Variants in TOX observed in about 807,000 individuals in gnomAD.
The protein encoded by TOX is thymocyte selection-associated high mobility group box protein TOX.
In TOX, 11 loss-of-function variants were observed where a neutral mutation model predicts 53.7. That is an observed-to-expected ratio of 0.20 (90% CI 0.13 to 0.34). TOX has a LOEUF of 0.34. Ranked by LOEUF, TOX falls within the 10% of genes least tolerant of loss-of-function variation. The pLI is 1.00. For synonymous variants in TOX, 225 were observed against 245.3 expected (o/e 0.92, Z 0.77); for missense variants, 570 against 664.6 (o/e 0.86, Z 1.56).
chr8:59,048,575 T>C (rs1370506425), intron 1 of TOX, among the ~76,000 whole-genome samples: 1 of 152,200 alleles, frequency 6.6e-6, no homozygotes, highest in East Asian at 1.9e-4. Flanking sequence ...GAAGTTTTCT[T>C]GGAAATGTTC....
At chr8:59,001,495 T>C (rs1813688512) in intron 1 of TOX, among the ~76,000 whole-genome samples, 3 of 152,296 alleles carry the variant, frequency 2.0e-5, no homozygotes, top group Non-Finnish European at 4.4e-5. Context: ...TGAGGGGATG[T>C]GAACTGAGAA....
At chr8:58,849,978 G>A (rs1340938874) in intron 4 of TOX, among the ~76,000 whole-genome samples, 1 of 152,162 alleles carries the variant, frequency 6.6e-6, no homozygotes, top group Non-Finnish European at 1.5e-5. Context: ...GGAATAACCT[G>A]TATTTTCTGA....
At chr8:59,019,089 A>C (rs2129419248) in intron 1 of TOX, among the ~76,000 whole-genome samples, 1 of 152,270 alleles carries the variant, frequency 6.6e-6, no homozygotes, top group Non-Finnish European at 1.5e-5. Flanking sequence ...TTTTTTTCAT[A>C]GGTAGATCCT....
At chr8:58,894,529 C>T (rs1811608500) in intron 3 of TOX, among the ~76,000 whole-genome samples, 1 of 152,110 alleles carries the variant, frequency 6.6e-6, no homozygotes, top group Non-Finnish European at 1.5e-5. Flanking sequence ...TCTTAAAAGG[C>T]TCATTGATAT....
At position 59,034,016 on chromosome 8, in the gene TOX, A is replaced by AT. The variant is rs1244527308; in HGVS notation, c.103-74009dup. ...AAACAAAAATCTGCAAGTGGCCAAG[A>AT]TTTTGCCTTGCACATGCACCATCCA... On this transcript the variant is annotated intron_variant, in intron 1 of 8. Coordinates refer to ENST00000361421, the MANE Select transcript of TOX (RefSeq NM_014729.3). 2.0e-5 allele frequency among the ~76,000 whole-genome samples: 3 copies of AT among 152,320 alleles called. No individual in the cohort carries two copies. In the East Asian group the frequency reaches 5.8e-4, roughly 29 times the overall value.
chr8:59,033,691 G>A (rs975996371), intron 1 of TOX, among the ~76,000 whole-genome samples: 13 of 152,116 alleles, frequency 8.5e-5, no homozygotes, highest in Non-Finnish European at 1.6e-4. Flanking sequence ...GGTCTTAGTC[G>A]AATTGGGGCA....
At chr8:58,999,948 T>C (rs1393215372) in intron 1 of TOX, among the ~76,000 whole-genome samples, 2 of 152,146 alleles carry the variant, frequency 1.3e-5, no homozygotes, top group East Asian at 3.8e-4. Context: ...CTTTAAATAA[T>C]ATAAAATTAT....
At chr8:59,069,240 G>A (rs976160208) in intron 1 of TOX, among the ~76,000 whole-genome samples, 7 of 152,178 alleles carry the variant, frequency 4.6e-5, no homozygotes, top group African/African-American at 1.7e-4. Context: ...TAGAGAGGTG[G>A]TTGGCAGTCC....
intron 1 of TOX, among the ~76,000 whole-genome samples, chr8:58,963,299 A>G (rs962442677): frequency 1.3e-5 from 1 of 74,988 alleles, no homozygotes; most frequent in Non-Finnish European, 3.3e-5. Flanking sequence ...TAGAAGATAG[A>G]TAGATAGATA....
intron 1 of TOX, among the ~76,000 whole-genome samples, chr8:58,974,904 A>G (rs1188191243): frequency 6.6e-6 from 1 of 152,060 alleles, no homozygotes; most frequent in Non-Finnish European, 1.5e-5. Flanking sequence ...TTTCACTACT[A>G]TGTTCCATAC....
rs774224269 is a variant in TOX at position 58,838,290 on chromosome 8, G to A, written c.715C>T (p.Pro239Ser). 2.5e-6 allele frequency: 4 copies of A among 1,613,546 alleles called. No individual in the cohort carries two copies. The South Asian group carries it at 4.4e-5, about 18-fold the overall frequency. Residue 239 changes from proline (P) to serine (S), a missense_variant, in exon 5 of 9, where the codon CCT becomes TCT. By Grantham distance (74) the Pro-to-Ser change is moderately conservative. This residue lies in a region of TOX where 282 missense variants were observed against 315.0 expected (regional missense o/e 0.90). Transcript: ENST00000361421. ...TSKINGGEKR[P>S]ASDMGKKPKT... ...GGTTTTTTCCCCATATCAGAGGCAGGCCGCTTCTCTCCACCATTGATCTGA... is the reference window on the plus strand; with the variant it reads ...GGTTTTTTCCCCATATCAGAGGCAGACCGCTTCTCTCCACCATTGATCTGA...
At chr8:59,019,039 A>C (rs747857308) in intron 1 of TOX, among the ~76,000 whole-genome samples, 18 of 152,130 alleles carry the variant, frequency 1.2e-4, no homozygotes, top group Non-Finnish European at 2.4e-4. Flanking sequence ...GTTTCTGAGT[A>C]TAAGATTTTG....
Position 58,939,417 on chromosome 8 carries a change from G to A in TOX, c.296C>T (p.Pro99Leu), listed in dbSNP as rs1812396926. 1 of 1,613,964 alleles carries A rather than the reference G, an allele frequency of 6.2e-7. No homozygotes were observed. ...VESGYHSLCH[P>L]MNHNGLLPFH... ...TGGTAGCAGGCCATTATGGTTCATG[G>A]GGTGACACAGAGAATGGTAACCAGA... Residue 99 changes from proline (P) to leucine (L), a missense_variant, in exon 3 of 9, where the codon CCC becomes CTC. Physicochemically the swap from Pro to Leu is moderately conservative, Grantham distance 98. This residue lies in a region of TOX where 282 missense variants were observed against 315.0 expected (regional missense o/e 0.90). Transcript: ENST00000361421.
intron 7 of TOX, among the ~76,000 whole-genome samples, chr8:58,811,844 A>G (rs931224053): frequency 5.9e-5 from 9 of 152,228 alleles, no homozygotes; most frequent in African/African-American, 2.2e-4. Context: ...TCAGTGTATA[A>G]AACATTATTC....
chr8:59,027,701 A>G (rs1814271099), intron 1 of TOX, among the ~76,000 whole-genome samples: 1 of 152,056 alleles, frequency 6.6e-6, no homozygotes, highest in Admixed American at 6.6e-5. Context: ...ATCACTCACA[A>G]TCTACTCATG....
intron 1 of TOX, among the ~76,000 whole-genome samples, chr8:58,983,072 C>T (rs1174583451): frequency 3.3e-5 from 5 of 152,226 alleles, no homozygotes; most frequent in African/African-American, 1.2e-4. Flanking sequence ...TTTATCCCTC[C>T]TTTGAATCAG....
At position 59,117,438 on chromosome 8, in the gene TOX, T is replaced by C. The variant is rs1444729773; in HGVS notation, c.102+1448A>G. Among the ~76,000 whole-genome samples the C allele has an allele frequency of 6.6e-6, 1 of 152,220 alleles. No homozygotes were observed. Among genetic ancestry groups the C allele is most frequent in the Non-Finnish European group, 1.5e-5 (1 of 68,050 alleles). ...CTTGCTCAAGACTGGATGTCCCTCT[T>C]TTCTAACTTGCCTAAACACCATCGG... On this transcript the variant is annotated intron_variant, in intron 1 of 8. Transcript: ENST00000361421. The surrounding 1 kb of genome is among the most constrained non-coding windows in gnomAD (Gnocchi z 4.6).
chr8:59,015,671 C>T (rs1585965432), intron 1 of TOX, among the ~76,000 whole-genome samples: 1 of 152,088 alleles, frequency 6.6e-6, no homozygotes, highest in East Asian at 1.9e-4. Flanking sequence ...GTTTGCTTTG[C>T]TTGATACTAA....
At chr8:58,812,402 C>T (rs1031058453) in intron 7 of TOX, among the ~76,000 whole-genome samples, 1 of 152,172 alleles carries the variant, frequency 6.6e-6, no homozygotes, top group Non-Finnish European at 1.5e-5. Flanking sequence ...CCTGGACAGG[C>T]CATGCTCATC....
Sources: gnomAD v4.1 joint callset for allele counts (sites outside exome capture counted in the v4.1 genomes callset) on GRCh38, gnomAD v4.1.1 for gene constraint, gnomAD v4.1.1 regional missense constraint, Gnocchi (gnomAD v3.1) non-coding constraint, MANE v1.5 for transcripts, NCBI Gene and HGNC (gene_info 2026-07-23, HGNC 2026-07-21) for gene names.